Variants in CCDC73 observed in about 807,000 individuals in gnomAD.
CCDC73 encodes the protein coiled-coil domain-containing protein 73.
Under a neutral mutation model 116.5 loss-of-function variants are expected in CCDC73, and 95 were observed. That is an observed-to-expected ratio of 0.82 (90% CI 0.69 to 0.97). The LOEUF (loss-of-function observed/expected upper bound fraction) is 0.97. Ranked by LOEUF, CCDC73 falls within the 50% of genes least tolerant of loss-of-function variation. The pLI, the probability that CCDC73 is intolerant of heterozygous loss-of-function variation, is 0.00. For missense variants in CCDC73, 1,066 were observed against 1,206.8 expected (o/e 0.88, Z 1.73); for synonymous variants, 398 against 401.3 (o/e 0.99, Z 0.10).
intron 6 of CCDC73, among the ~76,000 whole-genome samples, chr11:32,693,630 G>A (rs1322730443): frequency 6.6e-6 from 1 of 152,022 alleles, no homozygotes; most frequent in African/African-American, 2.4e-5. Context: ...AATTTTAGAC[G>A]AATATCCCTG....
chr11:32,699,323 TC>T lies in CCDC73; in HGVS notation c.317del (p.Gly106GlufsTer9), dbSNP rs747937954. On this transcript the variant is annotated frameshift_variant and splice_region_variant, in exon 6 of 18. Coordinates refer to ENST00000335185, the MANE Select transcript of CCDC73 (RefSeq NM_001008391.4). LOFTEE classifies it high-confidence loss of function. ...TTATTTCTGTAGCAAGTTGATATTT[TC>T]CCTTTAAGTAAAAAACTGTATTTCA... The part of the protein sequence containing the change: ...MKMCALEEEK[G>X]KYQLATEIKE... 425 of 1,567,554 alleles carry T rather than the reference TC, an allele frequency of 2.7e-4. No homozygotes were observed. The highest frequency in any genetic ancestry group is 3.5e-4 in the Non-Finnish European group (401 of 1,152,838).
intron 7 of CCDC73, 160 bp downstream of exon 7, chr11:32,683,376 T>C (rs1484968612): frequency 3.1e-6 from 2 of 641,652 alleles, no homozygotes; most frequent in Non-Finnish European, 5.7e-6. Context: ...TTATGCAACA[T>C]GTGAAATTGC....
the CCDC73 span, among the ~76,000 whole-genome samples, chr11:32,824,647 G>A: frequency 6.6e-6 from 1 of 152,178 alleles, no homozygotes; most frequent in African/African-American, 2.4e-5. Flanking sequence ...ATACAAACAT[G>A]GGTAAATGTT....
chr11:32,673,019 C>T (rs1270920311), intron 9 of CCDC73, among the ~76,000 whole-genome samples: 1 of 152,094 alleles, frequency 6.6e-6, no homozygotes, highest in Non-Finnish European at 1.5e-5. Context: ...TCTGGCTTAG[C>T]ATTTAGAAGG....
intron 6 of CCDC73, among the ~76,000 whole-genome samples, chr11:32,689,038 T>C (rs950118045): frequency 2.6e-5 from 4 of 152,042 alleles, no homozygotes; most frequent in African/African-American, 9.7e-5. Context: ...CACACTGGTA[T>C]AGAGAAAGGA....
the CCDC73 span, among the ~76,000 whole-genome samples, chr11:32,801,549 G>A: frequency 6.6e-6 from 1 of 152,080 alleles, no homozygotes; most frequent in South Asian, 2.1e-4. Flanking sequence ...GCTGAGGCAG[G>A]AGAATCGCTT....
upstream of CCDC73, among the ~76,000 whole-genome samples, chr11:32,795,464 C>T (rs1850717379): frequency 9.5e-6 from 1 of 105,796 alleles, no homozygotes; most frequent in African/African-American, 3.4e-5. Flanking sequence ...GAGCAAAACC[C>T]TGTCAAAAAA....
At chr11:32,637,476 T>C (rs903295539) in intron 13 of CCDC73, among the ~76,000 whole-genome samples, 1 of 152,196 alleles carries the variant, frequency 6.6e-6, no homozygotes, top group African/African-American at 2.4e-5. Flanking sequence ...TTAATAGCTC[T>C]GTAGCATTTG....
chr11:32,670,393 G>A (rs958628958), intron 9 of CCDC73, among the ~76,000 whole-genome samples: 29 of 152,130 alleles, frequency 1.9e-4, no homozygotes, highest in African/African-American at 6.3e-4. Flanking sequence ...GTGGTGGCCG[G>A]TGCCTGTAGT....
At chr11:32,829,324 C>T in the CCDC73 span, among the ~76,000 whole-genome samples, 2 of 152,190 alleles carry the variant, frequency 1.3e-5, no homozygotes, top group Admixed American at 1.3e-4. Context: ...GAAATTTCCA[C>T]TGTACACTCT....
At chr11:32,763,694 A>C (rs1850413301) in intron 1 of CCDC73, among the ~76,000 whole-genome samples, 1 of 152,248 alleles carries the variant, frequency 6.6e-6, no homozygotes, top group East Asian at 1.9e-4. Flanking sequence ...GAAAATTCTA[A>C]AAATCAGAGC....
intron 12 of CCDC73, among the ~76,000 whole-genome samples, chr11:32,649,937 C>T (rs1265630879): frequency 6.6e-6 from 1 of 152,112 alleles, no homozygotes. Flanking sequence ...TAAAATCTAG[C>T]TTCTCTATAT....
At chr11:32,697,711 TGACTTTG>T (rs764365641) in intron 6 of CCDC73, among the ~76,000 whole-genome samples, 18 of 152,046 alleles carry the variant, frequency 1.2e-4, no homozygotes, top group Non-Finnish European at 1.8e-4. Flanking sequence ...CTCCAACTCC[TGACTTTG>T]AGTGATCTGC....
At chr11:32,675,776 T>C in intron 8 of CCDC73, 110 bp downstream of exon 8, 1 of 1,201,972 alleles carries the variant, frequency 8.3e-7, no homozygotes, top group Non-Finnish European at 1.2e-6. Context: ...AGTTATTAAC[T>C]GCCATTTACT....
chr11:32,643,169 T>C (rs1565064693), intron 12 of CCDC73, among the ~76,000 whole-genome samples: 1 of 152,036 alleles, frequency 6.6e-6, no homozygotes, highest in Non-Finnish European at 1.5e-5. Flanking sequence ...AGAATATCAG[T>C]ATGCAAAGAT....
At chr11:32,743,712 T>C (rs1361155568) in intron 2 of CCDC73, among the ~76,000 whole-genome samples, 1 of 152,192 alleles carries the variant, frequency 6.6e-6, no homozygotes, top group Admixed American at 6.5e-5. Flanking sequence ...TCTGTTTGTC[T>C]GTTATTGGTG....
chr11:32,692,981 T>C (rs1856274417), intron 6 of CCDC73, among the ~76,000 whole-genome samples: 1 of 152,196 alleles, frequency 6.6e-6, no homozygotes. Context: ...TCCAAGCCCA[T>C]CCCTTTGAAA....
chr11:32,650,028 A>G (rs576566860), intron 12 of CCDC73, among the ~76,000 whole-genome samples: 6 of 152,312 alleles, frequency 3.9e-5, no homozygotes, highest in Non-Finnish European at 8.8e-5. Context: ...TTGATTATCT[A>G]ATGATTGGTA....
At chr11:32,777,279 A>AT (rs1554970252) in intron 1 of CCDC73, among the ~76,000 whole-genome samples, 1 of 150,796 alleles carries the variant, frequency 6.6e-6, no homozygotes, top group Non-Finnish European at 1.5e-5. Flanking sequence ...TAATTTTTGT[A>AT]TTTTTAGTAA....
Sources: gnomAD v4.1 joint callset for allele counts (sites outside exome capture counted in the v4.1 genomes callset) on GRCh38, gnomAD v4.1.1 for gene constraint, MANE v1.5 for transcripts, NCBI Gene and HGNC (gene_info 2026-07-23, HGNC 2026-07-21) for gene names.